Variants in CSMD1 observed in about 807,000 individuals in gnomAD.
CSMD1 encodes CUB and Sushi multiple domains 1, also known as CUB and sushi domain-containing protein 1.
In CSMD1, 213 loss-of-function variants were observed where a neutral mutation model predicts 417.5. The ratio of observed to expected loss-of-function variants is 0.51; its 90% CI spans 0.46 to 0.57. The LOEUF is 0.57. Among genes scored for constraint, CSMD1 ranks in the 20% least tolerant of loss-of-function variants. The pLI is 0.00. For synonymous variants in CSMD1, 2,862 were observed against 1,736.8 expected (o/e 1.65, Z -16.11); for missense variants, 6,923 against 4,529.7 (o/e 1.53, Z -15.17).
intron 10 of CSMD1, among the ~76,000 whole-genome samples, chr8:3,531,305 C>G (rs1211942081): frequency 6.6e-6 from 1 of 152,104 alleles, no homozygotes; most frequent in East Asian, 1.9e-4. Context: ...TGTGTGAGTA[C>G]TAGTAATCAA....
At chr8:3,608,251 T>A (rs995328176) in intron 8 of CSMD1, among the ~76,000 whole-genome samples, 1 of 150,982 alleles carries the variant, frequency 6.6e-6, no homozygotes, top group African/African-American at 2.4e-5. Flanking sequence ...GAGGAGGTAG[T>A]GTCAGGACAG....
intron 1 of CSMD1, among the ~76,000 whole-genome samples, chr8:4,751,680 T>C (rs961635741): frequency 6.6e-6 from 1 of 152,138 alleles, no homozygotes; most frequent in Non-Finnish European, 1.5e-5. Context: ...TTTTTAATGG[T>C]CAGCTACCCT....
At chr8:4,046,671 G>T (rs892807260) in intron 3 of CSMD1, among the ~76,000 whole-genome samples, 1 of 152,134 alleles carries the variant, frequency 6.6e-6, no homozygotes, top group Non-Finnish European at 1.5e-5. Flanking sequence ...CACTGGGAAT[G>T]TTTATTTCCA....
At chr8:3,757,836 C>T (rs1049765645) in intron 5 of CSMD1, among the ~76,000 whole-genome samples, 7 of 145,382 alleles carry the variant, frequency 4.8e-5, no homozygotes, top group South Asian at 2.4e-4. Flanking sequence ...GTGAAAAGAG[C>T]GAGACTTCAT....
chr8:4,396,045 C>G (rs747147724), intron 3 of CSMD1, among the ~76,000 whole-genome samples: 24 of 152,144 alleles, frequency 1.6e-4, no homozygotes, highest in Non-Finnish European at 3.2e-4. Context: ...GAGTAGCTAG[C>G]TATAATGTTG....
intron 42 of CSMD1, among the ~76,000 whole-genome samples, chr8:3,114,424 A>G (rs917889448): frequency 1.0e-4 from 15 of 150,008 alleles, no homozygotes; most frequent in African/African-American, 3.6e-4. Context: ...AAATATGAAT[A>G]TAAAAATATA....
chr8:4,559,633 T>C (rs1191050418), intron 2 of CSMD1, among the ~76,000 whole-genome samples: 7 of 152,218 alleles, frequency 4.6e-5, no homozygotes, highest in African/African-American at 1.7e-4. Flanking sequence ...ACCAAGCATA[T>C]AATAAAATTA....
chr8:2,952,451 T>C (rs189859076), intron 65 of CSMD1, among the ~76,000 whole-genome samples: 194 of 152,242 alleles, frequency 1.3e-3, no homozygotes, highest in African/African-American at 4.3e-3. Flanking sequence ...GAACAGAAGA[T>C]AATAGCTTCC....
intron 52 of CSMD1, among the ~76,000 whole-genome samples, chr8:3,018,106 AT>A (rs1477782832): frequency 1.3e-5 from 2 of 152,200 alleles, no homozygotes; most frequent in Non-Finnish European, 2.9e-5. Context: ...ACTTATGTCA[AT>A]TTGGATGAAT....
At chr8:4,231,965 C>A (rs760515567) in intron 3 of CSMD1, among the ~76,000 whole-genome samples, 2 of 152,066 alleles carry the variant, frequency 1.3e-5, no homozygotes, top group Non-Finnish European at 2.9e-5. Context: ...TCCTTTCTTT[C>A]TTTTGCAAAA....
In CSMD1 at chr8:3,842,739, G is replaced by C. The variant is rs369720477; in HGVS notation, c.819-88697C>G. ...AAAAAATGTGTCAAGATTAAAATTG[G>C]GAAACAGAAAAAAAAAGAAGAGTTA... On this transcript the variant is annotated intron_variant, in intron 5 of 69. Coordinates refer to ENST00000635120, the MANE Select transcript of CSMD1 (RefSeq NM_033225.6). Among the ~76,000 whole-genome samples the C allele has an allele frequency of 1.7e-3, 263 of 151,722 alleles. 1 individual carries two copies. Among genetic ancestry groups the C allele is most frequent in the African/African-American group, 6.0e-3 (248 of 41,406 alleles).
At chr8:3,232,870 G>T in intron 26 of CSMD1, among the ~76,000 whole-genome samples, 1 of 151,606 alleles carries the variant, frequency 6.6e-6, no homozygotes, top group African/African-American at 2.4e-5. Context: ...AGTTGTAATA[G>T]TCTTACCTTC....
intron 3 of CSMD1, among the ~76,000 whole-genome samples, chr8:4,209,902 GTC>G (rs1800207200): frequency 1.3e-5 from 2 of 152,130 alleles, no homozygotes; most frequent in Admixed American, 6.5e-5. Flanking sequence ...TTGACAGGTG[GTC>G]TCCATGGAAA....
intron 23 of CSMD1, among the ~76,000 whole-genome samples, chr8:3,327,796 G>A (rs1003035045): frequency 2.6e-5 from 4 of 152,172 alleles, no homozygotes; most frequent in African/African-American, 9.7e-5. Flanking sequence ...TGTGAAATAA[G>A]TAAATGTTGT....
rs548412186 is a variant in CSMD1, at chr8:3,669,084, G to A, written c.1009+39330C>T. On this transcript the variant is annotated intron_variant, in intron 7 of 69. Coordinates refer to ENST00000635120, the MANE Select transcript of CSMD1 (RefSeq NM_033225.6). Reference sequence around the variant, plus strand: ...TAAGGAACGACCCCACTAGAAATATGATTGTGGAAGCCATTAACGTACAGA... The same window carrying A: ...TAAGGAACGACCCCACTAGAAATATAATTGTGGAAGCCATTAACGTACAGA... Among the ~76,000 whole-genome samples the A allele has an allele frequency of 1.1e-4, 16 of 152,278 alleles. No homozygotes were observed. The East Asian group carries it at 2.1e-3, about 20-fold the overall frequency.
chr8:4,307,426 T>G (rs138931401), intron 3 of CSMD1, among the ~76,000 whole-genome samples: 2 of 152,142 alleles, frequency 1.3e-5, no homozygotes, highest in African/African-American at 4.8e-5. Context: ...TCACACCAAG[T>G]TGAGATGCTA....
intron 2 of CSMD1, among the ~76,000 whole-genome samples, chr8:4,523,406 T>C (rs1179014694): frequency 1.3e-5 from 2 of 152,218 alleles, no homozygotes; most frequent in Non-Finnish European, 2.9e-5. Flanking sequence ...TGAATTTTCC[T>C]ACTTTTGTAT....
Position 2,953,430 on chromosome 8 carries a change from G to A in CSMD1, c.10039+794C>T, listed in dbSNP as rs567058462. On this transcript the variant is annotated intron_variant, in intron 65 of 69. Transcript: ENST00000635120. Reference sequence around the variant, plus strand: ...CAATACAAATACTCTTTCCATGTTTGATTCTAAAATAGAGCTTATGTCCAA... The same window carrying A: ...CAATACAAATACTCTTTCCATGTTTAATTCTAAAATAGAGCTTATGTCCAA... Among the ~76,000 whole-genome samples the A allele has an allele frequency of 3.6e-5, 5 of 140,082 alleles. No individual in the cohort carries two copies. The South Asian group carries it at 1.2e-3, about 33-fold the overall frequency. 91.9% of individuals were successfully genotyped at this position (140,082 alleles called of 152,430 possible).
intron 1 of CSMD1, among the ~76,000 whole-genome samples, chr8:4,935,332 C>A (rs917150778): frequency 6.6e-6 from 1 of 152,200 alleles, no homozygotes; most frequent in Admixed American, 6.5e-5. Context: ...AATGCCCCTG[C>A]GCCCTCTGGG....
Sources: allele counts gnomAD v4.1 joint callset (sites outside exome capture counted in the v4.1 genomes callset), GRCh38; gene constraint gnomAD v4.1.1; transcripts MANE v1.5; gene names NCBI Gene and HGNC (gene_info 2026-07-23, HGNC 2026-07-21).